Variants in AK5 observed in about 807,000 individuals in gnomAD.
The protein encoded by AK5 is adenylate kinase isoenzyme 5.
Under a neutral mutation model 69.5 loss-of-function variants are expected in AK5, and 27 were observed. The observed-to-expected ratio is 0.39, with a 90% confidence interval of 0.29 to 0.54. The LOEUF is 0.54. AK5 is among the 20% of genes least tolerant of loss of function. AK5 has a pLI of 0.71. For synonymous variants in AK5, 260 were observed against 244.4 expected (o/e 1.06, Z -0.60); for missense variants, 531 against 700.4 (o/e 0.76, Z 2.73).
At chr1:77,325,315 A>G (rs1660747580) in intron 5 of AK5, among the ~76,000 whole-genome samples, 1 of 152,034 alleles carries the variant, frequency 6.6e-6, no homozygotes, top group African/African-American at 2.4e-5. Context: ...ACCACTTTTT[A>G]AATACAAAAT....
In AK5 at chr1:77,522,057, G is replaced by A. The variant is rs1467552324; in HGVS notation, c.1428+114G>A. On this transcript the variant is annotated intron_variant, in intron 12 of 13. Coordinates refer to ENST00000354567, the MANE Select transcript of AK5 (RefSeq NM_174858.3). ...ATTACATTAATGAAAACTTTAAGGG[G>A]CAGAAACTTGACTCAAACTAGAAAT... 11 of 786,354 alleles carry A rather than the reference G, an allele frequency of 1.4e-5. No homozygotes were observed. The Middle Eastern group carries it at 7.3e-4, about 52-fold the overall frequency. 48.7% of individuals were successfully genotyped at this position (786,354 alleles called of 1,614,324 possible). A position where few individuals can be genotyped will look rare whatever the true frequency, so the allele number is the denominator to read the frequency against.
chr1:77,312,195 C>T (rs1412354700), intron 5 of AK5, among the ~76,000 whole-genome samples: 4 of 152,202 alleles, frequency 2.6e-5, no homozygotes, highest in Admixed American at 1.3e-4. Flanking sequence ...TGTTGACAAT[C>T]CCGTCTCTAA....
chr1:77,529,913 C>T (rs1271982690), intron 12 of AK5, among the ~76,000 whole-genome samples: 2 of 152,196 alleles, frequency 1.3e-5, no homozygotes, highest in East Asian at 3.9e-4. Context: ...AGACTCTTAG[C>T]TGAAATTCTG....
chr1:77,442,328 G>A (rs989120180), intron 8 of AK5, among the ~76,000 whole-genome samples: 1 of 152,184 alleles, frequency 6.6e-6, no homozygotes, highest in Non-Finnish European at 1.5e-5. Context: ...AGCCATGTGG[G>A]CACAGAGGGT....
chr1:77,384,971 A>G (rs1265754156), intron 6 of AK5, among the ~76,000 whole-genome samples: 1 of 152,094 alleles, frequency 6.6e-6, no homozygotes, highest in Non-Finnish European at 1.5e-5. Context: ...CCCTTACTAG[A>G]TGTAGAACAG....
chr1:77,409,126 G>T (rs1440156948), intron 6 of AK5, among the ~76,000 whole-genome samples: 1 of 152,168 alleles, frequency 6.6e-6, no homozygotes, highest in East Asian at 1.9e-4. Context: ...GTATTCCATG[G>T]TATATATGTA....
At chr1:77,421,354 A>C (rs1650799062) in intron 8 of AK5, among the ~76,000 whole-genome samples, 1 of 152,188 alleles carries the variant, frequency 6.6e-6, no homozygotes, top group African/African-American at 2.4e-5. Context: ...GCCAGGATTC[A>C]AAAGGTAGAG....
At chr1:77,451,151 A>T (rs1202307681) in intron 8 of AK5, among the ~76,000 whole-genome samples, 2 of 152,148 alleles carry the variant, frequency 1.3e-5, no homozygotes, top group Non-Finnish European at 2.9e-5. Flanking sequence ...ACTACAGCCT[A>T]GGCAACAGAG....
intron 10 of AK5, among the ~76,000 whole-genome samples, chr1:77,502,779 T>A (rs1656797215): frequency 6.6e-6 from 1 of 152,154 alleles, no homozygotes; most frequent in Admixed American, 6.5e-5. Flanking sequence ...ACTCTCAAAG[T>A]GAGAACATAG....
chr1:77,287,164 T>C (rs1021234800), intron 2 of AK5, 37 bp downstream of exon 2: 1 of 1,383,594 alleles, frequency 7.2e-7, no homozygotes, highest in Admixed American at 2.6e-5. Flanking sequence ...GTTTTATAGT[T>C]ATAGCAATTC....
At chr1:77,417,018 T>C (rs1650473696) in intron 7 of AK5, among the ~76,000 whole-genome samples, 1 of 152,152 alleles carries the variant, frequency 6.6e-6, no homozygotes, top group Admixed American at 6.5e-5. Flanking sequence ...ACTGATTTAA[T>C]GAAACCTGTA....
intron 8 of AK5, among the ~76,000 whole-genome samples, chr1:77,438,022 A>G (rs1652061055): frequency 6.6e-6 from 1 of 152,122 alleles, no homozygotes; most frequent in Non-Finnish European, 1.5e-5. Context: ...AAACTAAATT[A>G]ACATTTCCAA....
Position 77,558,898 on chromosome 1 carries a change from C to G in AK5, c.*228C>G, listed in dbSNP as rs910727261. ...AACCTATTCTCCACACTTCAGACAA[C>G]TGTCTGCACTCACGGCACACACACT... is the stretch of plus-strand genomic sequence containing the variant. On this transcript the variant is annotated 3_prime_UTR_variant, in exon 14 of 14. Coordinates refer to ENST00000354567, the MANE Select transcript of AK5 (RefSeq NM_174858.3). The G allele has an allele frequency of 6.1e-6, 3 of 494,364 alleles. No individual in the cohort carries two copies. Among genetic ancestry groups the G allele is most frequent in the Non-Finnish European group, 1.1e-5 (3 of 270,696 alleles). The allele number at this position is 494,364 out of a possible 1,614,324, so 30.6% of individuals were successfully genotyped here.
intron 2 of AK5, among the ~76,000 whole-genome samples, chr1:77,288,041 G>A (rs1289978911): frequency 6.6e-6 from 1 of 152,226 alleles, no homozygotes; most frequent in Non-Finnish European, 1.5e-5. Flanking sequence ...TTCAATAAAA[G>A]TGTATTAAGC....
Position 77,327,968 on chromosome 1 carries a change from A to G in AK5, c.700-12409A>G, listed in dbSNP as rs1410732416. Among the ~76,000 whole-genome samples the G allele has an allele frequency of 3.9e-5, 6 of 152,106 alleles. No individual in the cohort carries two copies. The East Asian group carries it at 1.2e-3, about 29-fold the overall frequency. ...ATTACTCCCATGTATATGAAACAAA[A>G]CCCCAGCTGCTTAGCATGGAAGACA... On this transcript the variant is annotated intron_variant, in intron 5 of 13. Coordinates refer to ENST00000354567, the MANE Select transcript of AK5 (RefSeq NM_174858.3).
At chr1:77,381,371 C>G (rs1021658866) in intron 6 of AK5, among the ~76,000 whole-genome samples, 4 of 152,124 alleles carry the variant, frequency 2.6e-5, no homozygotes, top group Non-Finnish European at 5.9e-5. Flanking sequence ...TGTAACGGAC[C>G]TAATCTATGA....
At chr1:77,459,554 C>T (rs948536945) in intron 8 of AK5, among the ~76,000 whole-genome samples, 3 of 152,192 alleles carry the variant, frequency 2.0e-5, no homozygotes, top group African/African-American at 7.2e-5. Flanking sequence ...CTGCTGGGCC[C>T]CATCCCTACA....
At chr1:77,518,882 G>C (rs1043165695) in intron 11 of AK5, among the ~76,000 whole-genome samples, 155 bp downstream of exon 11, 3 of 152,116 alleles carry the variant, frequency 2.0e-5, no homozygotes, top group Non-Finnish European at 4.4e-5. Context: ...ATGCAGGCAG[G>C]TCTACAGCAG....
At chr1:77,319,238 C>T (rs542858985) in intron 5 of AK5, among the ~76,000 whole-genome samples, 4 of 152,306 alleles carry the variant, frequency 2.6e-5, no homozygotes, top group African/African-American at 4.8e-5. Flanking sequence ...ACTTTCCTTT[C>T]CTCCCTTCCT....
Sources: allele counts gnomAD v4.1 joint callset (sites outside exome capture counted in the v4.1 genomes callset), GRCh38; gene constraint gnomAD v4.1.1; transcripts MANE v1.5; gene names NCBI Gene and HGNC (gene_info 2026-07-23, HGNC 2026-07-21).